The following TFPI variants were observed in gnomAD, a reference collection of about 807,000 sequenced individuals.
The protein encoded by TFPI is anti-convertin.
TFPI carries 15 observed loss-of-function variants against 34.6 expected under a neutral mutation model. The ratio of observed to expected loss-of-function variants is 0.43; its 90% CI spans 0.29 to 0.67. The LOEUF is 0.67. TFPI is among the 30% of genes least tolerant of loss of function. TFPI has a pLI of 0.15. For synonymous variants in TFPI, 105 were observed against 120.1 expected (o/e 0.87, Z 0.82); for missense variants, 301 against 364.0 (o/e 0.83, Z 1.41).
chr2:187,553,804 G>A (rs1463336319), intron 1 of TFPI, among the ~76,000 whole-genome samples: 1 of 152,082 alleles, frequency 6.6e-6, no homozygotes, highest in African/African-American at 2.4e-5. Context: ...AAGAATAACA[G>A]TCTCTATTTT....
At chr2:187,468,698 C>T (rs766291216) in intron 6 of TFPI, among the ~76,000 whole-genome samples, 5 of 152,046 alleles carry the variant, frequency 3.3e-5, no homozygotes, top group Non-Finnish European at 7.4e-5. Context: ...AAGGAGCACT[C>T]ATTTGCCAAA....
Position 187,503,686 on chromosome 2 carries a change from G to T in TFPI, c.83C>A (p.Ala28Asp), listed in dbSNP as rs1412000847. 6.2e-7 allele frequency: 1 copy of T among 1,613,068 alleles called. No individual in the cohort carries two copies. The highest frequency in any genetic ancestry group is 2.2e-5 in the East Asian group (1 of 44,838). Residue 28 changes from alanine to aspartate, a missense_variant, in exon 2 of 8, where the codon GCT becomes GAT. Coordinates refer to ENST00000233156, the MANE Select transcript of TFPI (RefSeq NM_006287.6). ...GTGTTCTTCATCTTCCTCAGAATCA[G>T]CATTAAGAGGGGCAGGGGCAAGATT... ...LLNLAPAPLN[A>D]DSEEDEEHTI...
chr2:187,505,026 A>T (rs1686108841), intron 1 of TFPI, among the ~76,000 whole-genome samples: 2 of 152,070 alleles, frequency 1.3e-5, no homozygotes, highest in Admixed American at 1.3e-4. Flanking sequence ...AAATCATACC[A>T]TAAACCATTT....
chr2:187,468,297 CAT>C (rs1029517785), intron 6 of TFPI, among the ~76,000 whole-genome samples: 6 of 151,620 alleles, frequency 4.0e-5, no homozygotes, highest in Middle Eastern at 3.4e-3. Context: ...ACACATCACA[CAT>C]ATATATTAAT....
intron 6 of TFPI, chr2:187,478,525 A>G (rs1296818063): frequency 3.4e-6 from 4 of 1,172,438 alleles, no homozygotes; most frequent in East Asian, 2.7e-5. Flanking sequence ...GAGAATATTC[A>G]TTTTTCTTTG....
In TFPI at chr2:187,464,537, C is replaced by A. The variant is rs1691629301; in HGVS notation, c.*2399G>T. On this transcript the variant is annotated 3_prime_UTR_variant, in exon 8 of 8. Transcript: ENST00000233156. ...TTGAGTAAGTAGTGAACCAATGGACCAGTGGTTATTGTTGGAGAAAACAAT... is the reference window on the plus strand; with the variant it reads ...TTGAGTAAGTAGTGAACCAATGGACAAGTGGTTATTGTTGGAGAAAACAAT... 6.6e-6 allele frequency: 1 copy of A among 152,072 alleles called. No homozygotes were observed. The highest frequency in any genetic ancestry group is 1.5e-5 in the Non-Finnish European group (1 of 68,006). 9.4% of individuals were successfully genotyped at this position (152,072 alleles called of 1,614,324 possible).
chr2:187,536,097 T>G (rs572475153), intron 1 of TFPI, among the ~76,000 whole-genome samples: 1 of 152,082 alleles, frequency 6.6e-6, no homozygotes, highest in Non-Finnish European at 1.5e-5. Flanking sequence ...ATCAATAGAA[T>G]ACCAACCAAA....
chr2:187,479,875 G>A (rs1179108363), intron 6 of TFPI, among the ~76,000 whole-genome samples: 4 of 151,518 alleles, frequency 2.6e-5, no homozygotes, highest in Non-Finnish European at 5.9e-5. Context: ...ATGAATGACT[G>A]GAAGAATATA....
chr2:187,544,198 C>T (rs1274034899), intron 1 of TFPI, among the ~76,000 whole-genome samples: 2 of 152,058 alleles, frequency 1.3e-5, no homozygotes, highest in Non-Finnish European at 2.9e-5. Flanking sequence ...TTGAAGGATG[C>T]TTAGGGGATG....
chr2:187,478,754 G>A (rs1413812466), intron 6 of TFPI: 2 of 1,613,628 alleles, frequency 1.2e-6, no homozygotes, highest in Non-Finnish European at 1.7e-6. Context: ...GAAAGACTTG[G>A]TAAATATGAG....
At chr2:187,515,668 C>A (rs571772085) in intron 1 of TFPI, 1 of 152,310 alleles carries the variant, frequency 6.6e-6, no homozygotes, top group East Asian at 1.9e-4. Flanking sequence ...CTTCAACTGA[C>A]CTTTCCCAGA....
At chr2:187,523,372 T>C (rs1270300615) in intron 1 of TFPI, among the ~76,000 whole-genome samples, 1 of 152,114 alleles carries the variant, frequency 6.6e-6, no homozygotes, top group Non-Finnish European at 1.5e-5. Flanking sequence ...CATATGTCCA[T>C]GGAATACAGC....
At chr2:187,542,236 A>T (rs1688619400) in intron 1 of TFPI, among the ~76,000 whole-genome samples, 1 of 152,054 alleles carries the variant, frequency 6.6e-6, no homozygotes, top group East Asian at 1.9e-4. Context: ...AAAGAGTTTA[A>T]CTGTGGGCTG....
chr2:187,469,292 A>G (rs1691896305), intron 6 of TFPI, among the ~76,000 whole-genome samples: 2 of 152,120 alleles, frequency 1.3e-5, no homozygotes, highest in Non-Finnish European at 2.9e-5. Context: ...TATATCAATA[A>G]GATATCAGAA....
At chr2:187,514,983 G>C (rs1051896212) in intron 1 of TFPI, 1 of 152,182 alleles carries the variant, frequency 6.6e-6, no homozygotes, top group Non-Finnish European at 1.5e-5. Flanking sequence ...AACTCATGTC[G>C]GCCCTAGCCC....
At chr2:187,502,391 G>C (rs904146960) in intron 2 of TFPI, among the ~76,000 whole-genome samples, 1 of 152,092 alleles carries the variant, frequency 6.6e-6, no homozygotes, top group African/African-American at 2.4e-5. Flanking sequence ...AAGTGAGATT[G>C]CCTGTTTTTT....
intron 1 of TFPI, chr2:187,527,243 T>C (rs1396111775): frequency 1.3e-5 from 2 of 152,198 alleles, no homozygotes; most frequent in Non-Finnish European, 2.9e-5. Context: ...GTTTACTTTT[T>C]GCAAGTAGTA....
intron 6 of TFPI, among the ~76,000 whole-genome samples, chr2:187,470,797 A>C (rs1691987420): frequency 6.6e-6 from 1 of 152,134 alleles, no homozygotes; most frequent in Non-Finnish European, 1.5e-5. Context: ...CTCTACTGAC[A>C]CTCTTTATGA....
At chr2:187,535,107 G>A (rs1174950930) in intron 1 of TFPI, among the ~76,000 whole-genome samples, 13 of 151,908 alleles carry the variant, frequency 8.6e-5, no homozygotes, top group Admixed American at 2.6e-4. Context: ...AGAGACCTAC[G>A]AAGAGATTTA....
Sources: allele counts gnomAD v4.1 joint callset (sites outside exome capture counted in the v4.1 genomes callset), GRCh38; gene constraint gnomAD v4.1.1; transcripts MANE v1.5; gene names NCBI Gene and HGNC (gene_info 2026-07-23, HGNC 2026-07-21).